The following ZFHX4 variants were observed in gnomAD, a reference collection of about 807,000 sequenced individuals.
ZFHX4 encodes zinc finger homeobox protein 4.
In ZFHX4, 56 loss-of-function variants were observed where a neutral mutation model predicts 267.6. The ratio of observed to expected loss-of-function variants is 0.21; its 90% CI spans 0.17 to 0.26. ZFHX4 has a LOEUF of 0.26. Among genes scored for constraint, ZFHX4 ranks in the 10% least tolerant of loss-of-function variants. The probability of loss-of-function intolerance (pLI) is 1.00; values close to 1 mark genes in which losing one functional copy is unlikely to be tolerated. For missense variants in ZFHX4, 4,332 were observed against 4,420.0 expected (o/e 0.98, Z 0.56); for synonymous variants, 1,778 against 1,665.6 (o/e 1.07, Z -1.64).
chr8:76,773,118 T>C (rs1328525894), intron 3 of ZFHX4, among the ~76,000 whole-genome samples: 1 of 152,170 alleles, frequency 6.6e-6, no homozygotes, highest in Non-Finnish European at 1.5e-5. Flanking sequence ...GTGTGCACAC[T>C]AATTGTTTGT....
At chr8:76,749,411 T>C (rs929962469) in intron 3 of ZFHX4, among the ~76,000 whole-genome samples, 2 of 152,210 alleles carry the variant, frequency 1.3e-5, no homozygotes, top group African/African-American at 4.8e-5. Flanking sequence ...AATTCTTAAG[T>C]TTCTTCAGAA....
At chr8:76,798,343 A>G (rs976501453) in intron 4 of ZFHX4, among the ~76,000 whole-genome samples, 1 of 152,148 alleles carries the variant, frequency 6.6e-6, no homozygotes, top group African/African-American at 2.4e-5. Context: ...GCTTGTAGCT[A>G]TTGCCACATT....
intron 3 of ZFHX4, among the ~76,000 whole-genome samples, chr8:76,740,692 G>A (rs1469110055): frequency 2.0e-5 from 3 of 152,160 alleles, no homozygotes; most frequent in Admixed American, 6.6e-5. Flanking sequence ...AAAGTCAGAA[G>A]AGTTACAAGT....
chr8:76,704,366 A>G lies in ZFHX4; in HGVS notation c.278A>G (p.Gln93Arg). The change falls in exon 2 of 11, where the codon CAG becomes CGG. Residue 93 changes from glutamine (Q) to arginine (R), a missense_variant. This residue lies in a region of ZFHX4 where 1,195 missense variants were observed against 1,173.6 expected (regional missense o/e 1.02). Coordinates refer to ENST00000651372, the MANE Select transcript of ZFHX4 (RefSeq NM_024721.5). ...TGTGCCACTTCTTTTCCCAGTTTAC[A>G]GAAATACATGGAACACCACTGCCCT... is the stretch of plus-strand genomic sequence containing the variant. Reference protein sequence around the residue: ...NECATSFPSLQKYMEHHCPNA... With the variant: ...NECATSFPSLRKYMEHHCPNA... The G allele has an allele frequency of 6.2e-7, 1 of 1,614,026 alleles. No homozygotes were observed.
rs181967955 is a variant in ZFHX4, at chr8:76,862,038, G to A, written c.9380-1056G>A. ...AGACTTCTGGTCTGTTCCTTTTGCA[G>A]TCAACTTTACTTGCCTCTAAAAACA... On this transcript the variant is annotated intron_variant, in intron 10 of 10. Transcript: ENST00000651372. Among the ~76,000 whole-genome samples the A allele has an allele frequency of 3.2e-3, 481 of 152,236 alleles. 5 individuals carry two copies. The highest frequency in any genetic ancestry group is 0.01 in the African/African-American group (429 of 41,542).
At chr8:76,715,973 G>A (rs994552830) in intron 3 of ZFHX4, among the ~76,000 whole-genome samples, 1 of 152,180 alleles carries the variant, frequency 6.6e-6, no homozygotes, top group African/African-American at 2.4e-5. Context: ...GAGTAGTGCA[G>A]AGAAAGGTTA....
intron 1 of ZFHX4, among the ~76,000 whole-genome samples, chr8:76,699,310 C>T (rs923982372): frequency 6.6e-6 from 1 of 152,102 alleles, no homozygotes. Flanking sequence ...GGATTTGAAA[C>T]CTTTTCACTT....
At chr8:76,826,595 C>T (rs1390658937) in intron 4 of ZFHX4, among the ~76,000 whole-genome samples, 1 of 152,096 alleles carries the variant, frequency 6.6e-6, no homozygotes, top group Admixed American at 6.5e-5. Flanking sequence ...TGAACCCTAT[C>T]ATGAAAAGAG....
intron 1 of ZFHX4, 136 bp from the exon 2 acceptor site, chr8:76,703,907 G>C: frequency 3.1e-6 from 2 of 636,080 alleles, no homozygotes; most frequent in Middle Eastern, 4.3e-4. Flanking sequence ...TGATAGATAG[G>C]CACGCCGGTT....
At chr8:76,848,051 T>C (rs1004554836) in intron 6 of ZFHX4, among the ~76,000 whole-genome samples, 9 of 152,042 alleles carry the variant, frequency 5.9e-5, no homozygotes, top group Non-Finnish European at 1.3e-4. Context: ...ATGGTGAAAA[T>C]TGAAAGTTAA....
intron 5 of ZFHX4, among the ~76,000 whole-genome samples, chr8:76,835,584 TAA>T (rs1347389963): frequency 6.6e-6 from 1 of 151,998 alleles, no homozygotes; most frequent in Non-Finnish European, 1.5e-5. Context: ...GCTTCAAAGT[TAA>T]GTTTACGTTT....
At chr8:76,745,579 A>G (rs1440714515) in intron 3 of ZFHX4, among the ~76,000 whole-genome samples, 1 of 132,938 alleles carries the variant, frequency 7.5e-6, no homozygotes, top group African/African-American at 3.6e-5. Context: ...ATTTTCTAAA[A>G]GATATATATA....
At chr8:76,739,251 G>A (rs911798818) in intron 3 of ZFHX4, among the ~76,000 whole-genome samples, 1 of 152,056 alleles carries the variant, frequency 6.6e-6, no homozygotes, top group African/African-American at 2.4e-5. Flanking sequence ...AAAAGTCCAT[G>A]TTCAATTTCA....
chr8:76,850,438 T>C, intron 9 of ZFHX4, 76 bp downstream of exon 9: 1 of 1,199,244 alleles, frequency 8.3e-7, no homozygotes, highest in Non-Finnish European at 1.2e-6. Context: ...CCAAAGATTA[T>C]TACTATCAAA....
chr8:76,738,155 C>T (rs2131676207), intron 3 of ZFHX4, among the ~76,000 whole-genome samples: 1 of 152,100 alleles, frequency 6.6e-6, no homozygotes, highest in Middle Eastern at 3.4e-3. Flanking sequence ...GCACATGTAT[C>T]CAAAATTTTG....
chr8:76,845,020 A>G (rs1812330505), intron 6 of ZFHX4, among the ~76,000 whole-genome samples: 1 of 152,152 alleles, frequency 6.6e-6, no homozygotes, highest in South Asian at 2.1e-4. Context: ...TAGCAAGCTT[A>G]CAAATTCATC....
intron 3 of ZFHX4, among the ~76,000 whole-genome samples, chr8:76,738,657 TCCTC>T (rs1290787927): frequency 1.7e-3 from 241 of 139,390 alleles, no homozygotes; most frequent in African/African-American, 5.5e-3. Flanking sequence ...CTTCTTTCCT[TCCTC>T]CCTCCCTCCC....
intron 4 of ZFHX4, among the ~76,000 whole-genome samples, chr8:76,809,738 T>C (rs80313878): frequency 6.6e-6 from 1 of 152,082 alleles, no homozygotes; most frequent in East Asian, 1.9e-4. Flanking sequence ...AAAAATACCA[T>C]TAATAAATGC....
rs1563574929 is a variant in ZFHX4, at chr8:76,867,000, CT to C, written c.*2436del. 6.6e-6 allele frequency: 1 copy of C among 152,504 alleles called. No individual in the cohort carries two copies. Among genetic ancestry groups the C allele is most frequent in the African/African-American group, 2.4e-5 (1 of 41,406 alleles). The allele number at this position is 152,504 out of a possible 1,614,324, so 9.4% of individuals were successfully genotyped here. A position where few individuals can be genotyped will look rare whatever the true frequency, so the allele number is the denominator to read the frequency against. The stretch of plus-strand genomic sequence containing the variant: ...CACCCTGAGGTTTTAATAAAAGCCC[CT>C]ATGGCTATAACTTTAAATAAACTAA... On this transcript the variant is annotated 3_prime_UTR_variant, in exon 11 of 11. Coordinates refer to ENST00000651372, the MANE Select transcript of ZFHX4 (RefSeq NM_024721.5).
Sources: allele counts gnomAD v4.1 joint callset (sites outside exome capture counted in the v4.1 genomes callset), GRCh38; gene constraint gnomAD v4.1.1; regional missense constraint gnomAD v4.1.1; transcripts MANE v1.5; gene names NCBI Gene and HGNC (gene_info 2026-07-23, HGNC 2026-07-21).